Variants in MEI4 observed in about 807,000 individuals in gnomAD.
The protein encoded by MEI4 is meiosis-specific protein MEI4.
In MEI4, 27 loss-of-function variants were observed where a neutral mutation model predicts 31.4. That is an observed-to-expected ratio of 0.86 (90% CI 0.63 to 1.19). The LOEUF (loss-of-function observed/expected upper bound fraction) is 1.19. Among genes scored for constraint, MEI4 ranks in the 50% most tolerant of loss-of-function variants. MEI4 has a pLI of 0.00. For missense variants in MEI4, 329 were observed against 398.9 expected, an observed-to-expected ratio of 0.82 and a Z score of 1.49; for synonymous variants, 122 against 145.4, an observed-to-expected ratio of 0.84 and a Z score of 1.16.
chr6:77,923,113 C>A lies in MEI4; in HGVS notation c.925C>A (p.Arg309Ser), dbSNP rs978571387. 2 of 1,230,050 alleles carry A rather than the reference C, an allele frequency of 1.6e-6. No homozygotes were observed. Among genetic ancestry groups the A allele is most frequent in the African/African-American group, 1.6e-5 (1 of 64,342 alleles). The allele number at this position is 1,230,050 out of a possible 1,614,324, so 76.2% of individuals were successfully genotyped here. A position where few individuals can be genotyped will look rare whatever the true frequency, so the allele number is the denominator to read the frequency against. The part of the protein sequence containing the change: ...NQEQASYDVS[R>S]YENIFYLFWV... Reference sequence around the variant, plus strand: ...GGAGCAAGCCAGTTATGATGTGTCACGCTATGAAAACATTTTCTACCTGTT... The same window carrying A: ...GGAGCAAGCCAGTTATGATGTGTCAAGCTATGAAAACATTTTCTACCTGTT... Residue 309 changes from arginine (R) to serine (S), a missense_variant, in exon 5 of 5, where the codon CGC becomes AGC. Coordinates refer to ENST00000684080, the MANE Select transcript of MEI4 (RefSeq NM_001322247.2).
intron 4 of MEI4, among the ~76,000 whole-genome samples, chr6:77,829,310 CAA>C (rs1280694021): frequency 2.0e-5 from 3 of 152,102 alleles, no homozygotes; most frequent in Non-Finnish European, 4.4e-5. Context: ...TTGGTGACAG[CAA>C]AAGAGTGCTT....
chr6:77,835,843 T>C (rs1301580726), intron 4 of MEI4, among the ~76,000 whole-genome samples: 3 of 152,066 alleles, frequency 2.0e-5, no homozygotes, highest in African/African-American at 7.2e-5. Context: ...AATAAATTAT[T>C]TCTGTATTAA....
chr6:77,739,258 T>C (rs1364378799), intron 2 of MEI4, among the ~76,000 whole-genome samples: 2 of 152,180 alleles, frequency 1.3e-5, no homozygotes, highest in African/African-American at 4.8e-5. Flanking sequence ...TAATTTTTTG[T>C]GTTAGGTTTA....
chr6:77,736,404 C>T (rs930005295), intron 2 of MEI4, among the ~76,000 whole-genome samples: 4 of 152,074 alleles, frequency 2.6e-5, no homozygotes, highest in Admixed American at 6.5e-5. Context: ...TTTCCAGGTG[C>T]CATCTGTCAC....
At chr6:77,797,902 A>G (rs968107309) in intron 3 of MEI4, among the ~76,000 whole-genome samples, 1 of 152,120 alleles carries the variant, frequency 6.6e-6, no homozygotes, top group African/African-American at 2.4e-5. Flanking sequence ...CTATCCAGGC[A>G]TCCTTCAATC....
At chr6:77,911,452 C>T (rs1264317620) in intron 4 of MEI4, among the ~76,000 whole-genome samples, 1 of 151,798 alleles carries the variant, frequency 6.6e-6, no homozygotes, top group Non-Finnish European at 1.5e-5. Flanking sequence ...GGTATTACCC[C>T]CTCCTTCTGA....
chr6:77,785,837 A>C (rs1347236074), intron 3 of MEI4, among the ~76,000 whole-genome samples: 2 of 152,122 alleles, frequency 1.3e-5, no homozygotes, highest in East Asian at 3.9e-4. Context: ...GTTGGATATA[A>C]ATAGTCATCA....
chr6:77,914,104 C>CTTGA (rs1196459029), intron 4 of MEI4, among the ~76,000 whole-genome samples: 1 of 147,564 alleles, frequency 6.8e-6, no homozygotes, highest in Non-Finnish European at 1.5e-5. Context: ...ATCAGTTCTG[C>CTTGA]TTGATCTTTA....
At chr6:77,734,546 G>C (rs563235955) in intron 2 of MEI4, among the ~76,000 whole-genome samples, 1 of 151,954 alleles carries the variant, frequency 6.6e-6, no homozygotes, top group African/African-American at 2.4e-5. Context: ...CACGTGAGAT[G>C]GGTTTCCTGA....
At chr6:77,869,677 C>G (rs1007732259) in intron 4 of MEI4, among the ~76,000 whole-genome samples, 3 of 152,002 alleles carry the variant, frequency 2.0e-5, no homozygotes, top group African/African-American at 7.2e-5. Context: ...TATAGTGGTC[C>G]TAGCAAATGA....
chr6:77,689,027 G>A (rs1197194637), intron 1 of MEI4, among the ~76,000 whole-genome samples: 1 of 151,928 alleles, frequency 6.6e-6, no homozygotes. Flanking sequence ...ACAAAGCTGT[G>A]TACTTTGATT....
intron 4 of MEI4, among the ~76,000 whole-genome samples, chr6:77,897,781 C>G (rs779796942): frequency 4.1e-4 from 62 of 151,852 alleles, no homozygotes; most frequent in Admixed American, 5.9e-4. Flanking sequence ...TTTCTGGGCA[C>G]TTGGATCAAA....
chr6:77,746,418 G>T (rs1035326991), intron 2 of MEI4, among the ~76,000 whole-genome samples: 2 of 152,074 alleles, frequency 1.3e-5, no homozygotes, highest in Non-Finnish European at 2.9e-5. Context: ...TTAAGTAAGG[G>T]GGGACTCCTC....
chr6:77,699,160 T>C (rs1047383738), intron 2 of MEI4, among the ~76,000 whole-genome samples: 1 of 151,150 alleles, frequency 6.6e-6, no homozygotes, highest in African/African-American at 2.4e-5. Context: ...ATTCTAGTTA[T>C]CCATTCGTCT....
At chr6:77,758,735 G>T (rs1767971712) in intron 2 of MEI4, among the ~76,000 whole-genome samples, 1 of 152,112 alleles carries the variant, frequency 6.6e-6, no homozygotes, top group Non-Finnish European at 1.5e-5. Context: ...CCAGGGCCAT[G>T]TCTCACCTGC....
At chr6:77,675,532 CTT>C (rs71758588) in intron 1 of MEI4, among the ~76,000 whole-genome samples, 51 of 140,062 alleles carry the variant, frequency 3.6e-4, no homozygotes, top group East Asian at 1.4e-3. Flanking sequence ...GGAAATATTG[CTT>C]TTTTTTTTTT....
chr6:77,727,908 C>T (rs74722285), intron 2 of MEI4, among the ~76,000 whole-genome samples: 11 of 150,868 alleles, frequency 7.3e-5, no homozygotes, highest in East Asian at 1.9e-4. Context: ...TCTCTTTGAT[C>T]GTAACAGATG....
At chr6:77,916,794 G>C (rs929340794) in intron 4 of MEI4, among the ~76,000 whole-genome samples, 14 of 150,154 alleles carry the variant, frequency 9.3e-5, no homozygotes, top group Admixed American at 2.7e-4. Context: ...TATACTTTAA[G>C]TTTTAGGGTA....
At chr6:77,856,340 C>G (rs946139083) in intron 4 of MEI4, among the ~76,000 whole-genome samples, 3 of 152,146 alleles carry the variant, frequency 2.0e-5, no homozygotes, top group African/African-American at 4.8e-5. Flanking sequence ...CTGACTCCTT[C>G]CCTTCCTTCA....
Sources: allele counts gnomAD v4.1 joint callset (sites outside exome capture counted in the v4.1 genomes callset), GRCh38; gene constraint gnomAD v4.1.1; transcripts MANE v1.5; gene names NCBI Gene and HGNC (gene_info 2026-07-23, HGNC 2026-07-21).